The following ZEB2 variants were observed in gnomAD, a reference collection of about 807,000 sequenced individuals.
ZEB2 encodes zinc finger E-box-binding homeobox 2.
A neutral mutation model predicts 99.9 loss-of-function variants in ZEB2; 6 were observed. That is an observed-to-expected ratio of 0.06 (90% CI 0.03 to 0.12). The LOEUF is 0.12. Among genes scored for constraint, ZEB2 ranks in the 10% least tolerant of loss-of-function variants. The pLI is 1.00. For synonymous variants in ZEB2, 517 were observed against 542.5 expected, an observed-to-expected ratio of 0.95 and a Z score of 0.65; for missense variants, 969 against 1,502.8, an observed-to-expected ratio of 0.64 and a Z score of 5.87.
chr2:144,490,691 T>C (rs1455653516), intron 2 of ZEB2, among the ~76,000 whole-genome samples: 1 of 152,172 alleles, frequency 6.6e-6, no homozygotes, highest in Non-Finnish European at 1.5e-5. Context: ...TTTGACACAA[T>C]AAAATGAAGC....
chr2:144,398,107 G>A (rs1244678967), intron 8 of ZEB2, among the ~76,000 whole-genome samples, 194 bp downstream of exon 8: 4 of 152,118 alleles, frequency 2.6e-5, no homozygotes, highest in Admixed American at 2.0e-4. Flanking sequence ...TGTTTTTAAA[G>A]CAAATGTGCT....
At chr2:144,412,201 G>T (rs753828947) in intron 4 of ZEB2, among the ~76,000 whole-genome samples, 57 of 152,144 alleles carry the variant, frequency 3.7e-4, no homozygotes, top group Non-Finnish European at 7.6e-4. Context: ...CCTGGGAGGC[G>T]GAGGTTGCGG....
At chr2:144,392,817 T>A (rs916971574) in intron 9 of ZEB2, among the ~76,000 whole-genome samples, 21 of 152,222 alleles carry the variant, frequency 1.4e-4, no homozygotes, top group Non-Finnish European at 1.5e-5. Flanking sequence ...TGAATCAAGC[T>A]TTCTTAGGGT....
chr2:144,399,458 T>C lies in ZEB2; in HGVS notation c.1729A>G (p.Ile577Val). ...TDDKMIENHN[I>V]STPFSCQFCK... ...AACTGGCATGAAAATGGAGTGGATA[T>C]GTTGTGGTTCTCAATCATTTTGTCA... Residue 577 changes from isoleucine to valine, a missense_variant, in exon 8 of 10, where the codon ATA (isoleucine) becomes GTA (valine). Coordinates refer to ENST00000627532, the MANE Select transcript of ZEB2 (RefSeq NM_014795.4). This position sits in a 1 kb window ranked among gnomAD's most constrained non-coding sequence, Gnocchi z 5.6. 1.9e-6 allele frequency: 3 copies of C among 1,614,152 alleles called. No homozygotes were observed. Among genetic ancestry groups the C allele is most frequent in the Non-Finnish European group, 2.5e-6 (3 of 1,180,016 alleles).
At chr2:144,476,354 G>A (rs566173609) in intron 2 of ZEB2, among the ~76,000 whole-genome samples, 1 of 152,238 alleles carries the variant, frequency 6.6e-6, no homozygotes, top group South Asian at 2.1e-4. Flanking sequence ...CATGAAGTGG[G>A]CCTCAAGGGG....
chr2:144,396,949 A>G (rs1247168589), intron 8 of ZEB2, among the ~76,000 whole-genome samples: 1 of 152,154 alleles, frequency 6.6e-6, no homozygotes, highest in Admixed American at 6.5e-5. Flanking sequence ...ATTTTCCAGT[A>G]TGCTTAACTT....
At chr2:144,411,119 TATATAC>T (rs1254092174) in intron 4 of ZEB2, among the ~76,000 whole-genome samples, 20 of 44,592 alleles carry the variant, frequency 4.5e-4, no homozygotes, top group South Asian at 1.1e-3. Flanking sequence ...GGGCATCTCA[TATATAC>T]ACACACACAC....
chr2:144,404,211 G>T, intron 5 of ZEB2, 81 bp from the exon 6 acceptor site: 1 of 1,479,718 alleles, frequency 6.8e-7, no homozygotes, highest in East Asian at 2.3e-5. Flanking sequence ...GACTGCCCGG[G>T]ATGGTATGAC....
chr2:144,397,901 A>C (rs925194191), intron 8 of ZEB2: 1 of 330,676 alleles, frequency 3.0e-6, no homozygotes, highest in Non-Finnish European at 5.8e-6. Context: ...TTGGCCTCCC[A>C]AAGTGCTGGG....
intron 8 of ZEB2, 79 bp downstream of exon 8, chr2:144,398,222 A>AC (rs112140314): frequency 2.6e-6 from 4 of 1,558,810 alleles, no homozygotes; most frequent in Non-Finnish European, 3.5e-6. Flanking sequence ...TTTCACTAAG[A>AC]TTTTTTTTTC....
intron 3 of ZEB2, chr2:144,429,500 A>G: frequency 2.0e-6 from 1 of 492,970 alleles, no homozygotes; most frequent in African/African-American, 1.9e-5. Context: ...ATGTGGTGCA[A>G]ATACCTCATG....
chr2:144,489,989 G>C (rs1454603210), intron 2 of ZEB2, among the ~76,000 whole-genome samples: 1 of 152,176 alleles, frequency 6.6e-6, no homozygotes, highest in Non-Finnish European at 1.5e-5. Flanking sequence ...GGCTGTTTTT[G>C]CCTCTTGTTG....
chr2:144,482,264 T>C (rs1704523795), intron 2 of ZEB2: 1 of 152,260 alleles, frequency 6.6e-6, no homozygotes, highest in South Asian at 2.1e-4. Context: ...CACTGCAGTG[T>C]GCGGCGGTCC....
At chr2:144,448,312 T>C (rs1704011663) in intron 2 of ZEB2, among the ~76,000 whole-genome samples, 1 of 152,130 alleles carries the variant, frequency 6.6e-6, no homozygotes, top group Non-Finnish European at 1.5e-5. Flanking sequence ...AAAGGGGGCA[T>C]CCCAGACACT....
chr2:144,458,022 G>T (rs180935204), intron 2 of ZEB2, among the ~76,000 whole-genome samples: 3 of 152,136 alleles, frequency 2.0e-5, no homozygotes, highest in African/African-American at 7.2e-5. Context: ...ACATAATGTG[G>T]TACATTCTGT....
intron 2 of ZEB2, among the ~76,000 whole-genome samples, chr2:144,505,288 G>C (rs1704936887): frequency 6.9e-6 from 1 of 145,886 alleles, no homozygotes; most frequent in South Asian, 2.5e-4. Flanking sequence ...GTAATAGCTT[G>C]AACATTAGAA....
At chr2:144,513,937 C>A (rs1369008050) in intron 2 of ZEB2, 10 of 1,459,738 alleles carry the variant, frequency 6.9e-6, no homozygotes, top group Non-Finnish European at 9.1e-6. Flanking sequence ...TTGAAACCGA[C>A]ACACATTCTT....
At chr2:144,515,203 A>C (rs967261860) in intron 2 of ZEB2, among the ~76,000 whole-genome samples, 23 of 149,420 alleles carry the variant, frequency 1.5e-4, no homozygotes, top group South Asian at 6.3e-4. Context: ...TTTTCTCTCA[A>C]AAAAAAAAAA....
chr2:144,458,005 A>G (rs7562247), intron 2 of ZEB2, among the ~76,000 whole-genome samples: 9,015 of 152,200 alleles, frequency 0.059, 334 homozygotes, highest in Middle Eastern at 0.11. Flanking sequence ...GAATTTAGAG[A>G]TCAGATACAT....
Sources: allele counts gnomAD v4.1 joint callset (sites outside exome capture counted in the v4.1 genomes callset), GRCh38; gene constraint gnomAD v4.1.1; non-coding constraint Gnocchi (gnomAD v3.1); transcripts MANE v1.5; gene names NCBI Gene and HGNC (gene_info 2026-07-23, HGNC 2026-07-21).